KIRREL3: variants seen among roughly 807,000 people sequenced by gnomAD.
The protein encoded by KIRREL3 is kirre like nephrin family adhesion molecule 3.
Under a neutral mutation model 89.7 loss-of-function variants are expected in KIRREL3, and 36 were observed. That is an observed-to-expected ratio of 0.40 (90% CI 0.31 to 0.53). KIRREL3 has a LOEUF of 0.53. KIRREL3 is among the 20% of genes least tolerant of loss of function. The pLI, the probability that KIRREL3 is intolerant of heterozygous loss-of-function variation, is 0.49. For missense variants in KIRREL3, 864 were observed against 1,056.6 expected (o/e 0.82, Z 2.53); for synonymous variants, 445 against 441.4 (o/e 1.01, Z -0.10).
chr11:126,572,961 G>A (rs948768217), intron 1 of KIRREL3, among the ~76,000 whole-genome samples: 2 of 152,190 alleles, frequency 1.3e-5, no homozygotes, highest in East Asian at 1.9e-4. Flanking sequence ...TGCCGAATGA[G>A]TAGGGGTAGG....
intron 1 of KIRREL3, among the ~76,000 whole-genome samples, chr11:126,828,395 C>G (rs538663978): frequency 1.6e-4 from 24 of 152,300 alleles, no homozygotes; most frequent in African/African-American, 5.8e-4. Context: ...TTCCCTACAT[C>G]AAGCCTTAGT....
In KIRREL3 at chr11:126,531,565, G is replaced by T. The variant is rs1176273815; in HGVS notation, c.134-4878C>A. Among the ~76,000 whole-genome samples the T allele has an allele frequency of 1.0e-4, 15 of 145,778 alleles. No homozygotes were observed. The highest frequency in any genetic ancestry group is 2.2e-4 in the South Asian group (1 of 4,578). The stretch of plus-strand genomic sequence containing the variant: ...GATGCACTGCATCCCCCCACCCAAG[G>T]CTCCCCCACCCAAGGCCCCCCCTAA... On this transcript the variant is annotated intron_variant, in intron 2 of 16. Transcript: ENST00000525144. This position sits in a 1 kb window ranked among gnomAD's most constrained non-coding sequence, Gnocchi z 4.7.
At chr11:126,479,003 G>C (rs1003657214) in intron 4 of KIRREL3, among the ~76,000 whole-genome samples, 111 of 152,342 alleles carry the variant, frequency 7.3e-4, no homozygotes, top group African/African-American at 2.5e-3. Flanking sequence ...TTCTCAGCCT[G>C]TTTCTCCGTG....
chr11:126,735,012 A>C (rs1282497879), intron 1 of KIRREL3, among the ~76,000 whole-genome samples: 1 of 152,196 alleles, frequency 6.6e-6, no homozygotes, highest in East Asian at 1.9e-4. Flanking sequence ...AGGGAGGCTC[A>C]TAACGGGGCG....
rs1054212030 is a variant in KIRREL3 at position 126,640,833 on chromosome 11, G to T, written c.56-77921C>A. ...CTCCTACGTCACTGACTTATTGCTG[G>T]CATCTCCTCCCCTTGACCTTCATAT... On this transcript the variant is annotated intron_variant, in intron 1 of 16. Transcript: ENST00000525144. The surrounding 1 kb of genome is among the most constrained non-coding windows in gnomAD (Gnocchi z 4.9). 1.3e-5 allele frequency among the ~76,000 whole-genome samples: 2 copies of T among 152,030 alleles called. No individual in the cohort carries two copies. The highest frequency in any genetic ancestry group is 2.9e-5 in the Non-Finnish European group (2 of 68,016).
chr11:126,893,285 G>A (rs1647463029), intron 1 of KIRREL3, among the ~76,000 whole-genome samples: 1 of 152,196 alleles, frequency 6.6e-6, no homozygotes, highest in Admixed American at 6.5e-5. Flanking sequence ...ATTTTATCCA[G>A]TTCAGTGCCA....
Position 126,550,808 on chromosome 11 carries a change from C to T in KIRREL3, c.133+12027G>A, listed in dbSNP as rs745429093. Among the ~76,000 whole-genome samples the T allele has an allele frequency of 7.2e-5, 11 of 152,208 alleles. No individual in the cohort carries two copies. The highest frequency in any genetic ancestry group is 1.2e-4 in the Non-Finnish European group (8 of 68,038). On this transcript the variant is annotated intron_variant, in intron 2 of 16. Coordinates refer to ENST00000525144, the MANE Select transcript of KIRREL3 (RefSeq NM_032531.4). This position sits in a 1 kb window ranked among gnomAD's most constrained non-coding sequence, Gnocchi z 4.9. ...CACCACAACAGTCCACACAGGAGAC[C>T]TCTGTGGCCAAACAGGTGGGAGCAG... is the stretch of plus-strand genomic sequence containing the variant.
chr11:126,585,125 T>C (rs994836222), intron 1 of KIRREL3, among the ~76,000 whole-genome samples: 3 of 151,360 alleles, frequency 2.0e-5, no homozygotes, highest in Admixed American at 1.3e-4. Context: ...TTCATCTTGT[T>C]AGCCAGGATG....
rs2096263761 is a variant in KIRREL3 at position 126,872,732 on chromosome 11, T to C, written c.55+127723A>G. 6.6e-6 allele frequency among the ~76,000 whole-genome samples: 1 copy of C among 152,276 alleles called. No individual in the cohort carries two copies. Among genetic ancestry groups the C allele is most frequent in the Non-Finnish European group, 1.5e-5 (1 of 68,050 alleles). The stretch of plus-strand genomic sequence containing the variant: ...TCAGTGTGGGTACTTTCCTGCTCTG[T>C]GCTGCCAGAATGGTGCTGAATATGA... On this transcript the variant is annotated intron_variant, in intron 1 of 16. Transcript: ENST00000525144. The surrounding 1 kb of genome is among the most constrained non-coding windows in gnomAD (Gnocchi z 4.2).
intron 12 of KIRREL3, among the ~76,000 whole-genome samples, chr11:126,436,178 C>G (rs1955327892): frequency 6.6e-6 from 1 of 152,190 alleles, no homozygotes; most frequent in Non-Finnish European, 1.5e-5. Flanking sequence ...CTCTCACCCA[C>G]CCGGCTGCTT....
rs1944676559 is a variant in KIRREL3, at chr11:126,860,729, A to T, written c.55+139726T>A. On this transcript the variant is annotated intron_variant, in intron 1 of 16. Coordinates refer to ENST00000525144, the MANE Select transcript of KIRREL3 (RefSeq NM_032531.4). This position sits in a 1 kb window ranked among gnomAD's most constrained non-coding sequence, Gnocchi z 4.6. Reference sequence around the variant, plus strand: ...AACCACAGGGTGGAGAATGGGTGGCAGGCCAGTGAGGAGGCTCCTGCCCTG... The same window carrying T: ...AACCACAGGGTGGAGAATGGGTGGCTGGCCAGTGAGGAGGCTCCTGCCCTG... Among the ~76,000 whole-genome samples the T allele has an allele frequency of 6.6e-6, 1 of 152,216 alleles. No homozygotes were observed. The highest frequency in any genetic ancestry group is 2.4e-5 in the African/African-American group (1 of 41,462).
chr11:126,945,568 C>T (rs758256391), intron 1 of KIRREL3, among the ~76,000 whole-genome samples: 32 of 152,176 alleles, frequency 2.1e-4, no homozygotes, highest in Non-Finnish European at 4.3e-4. Flanking sequence ...TCTCAGGTTT[C>T]CCCTGATGCC....
chr11:127,001,739 G>A (rs541915850), upstream of KIRREL3, among the ~76,000 whole-genome samples: 29 of 151,686 alleles, frequency 1.9e-4, no homozygotes, highest in African/African-American at 6.5e-4. Flanking sequence ...GGCATGCTTG[G>A]TATAAGCAGG....
rs1052344915 is a variant in KIRREL3, at chr11:126,703,374, G to A, written c.56-140462C>T. Among the ~76,000 whole-genome samples, 3 of 152,226 alleles carry A rather than the reference G, an allele frequency of 2.0e-5. No homozygotes were observed. Among genetic ancestry groups the A allele is most frequent in the South Asian group, 2.1e-4 (1 of 4,830 alleles). On this transcript the variant is annotated intron_variant, in intron 1 of 16. Transcript: ENST00000525144. The surrounding 1 kb of genome is among the most constrained non-coding windows in gnomAD (Gnocchi z 4.6). ...CTGGTGAGCAGCAAACAGAATCATC[G>A]TCTTCATCACCATCAGCAGGAGCAG... is the stretch of plus-strand genomic sequence containing the variant.
At chr11:126,510,463 TCC>T (rs1333422116) in intron 4 of KIRREL3, among the ~76,000 whole-genome samples, 13 of 150,278 alleles carry the variant, frequency 8.7e-5, no homozygotes, top group Non-Finnish European at 1.3e-4. Flanking sequence ...CTTCCTTCCT[TCC>T]TTCCTTTTTT....
chr11:126,839,892 C>A (rs1943906387), intron 1 of KIRREL3, among the ~76,000 whole-genome samples: 2 of 152,142 alleles, frequency 1.3e-5, no homozygotes, highest in Admixed American at 1.3e-4. Flanking sequence ...TGCAAGCTGT[C>A]ATGAATATTT....
chr11:126,793,758 C>G (rs761402785), intron 1 of KIRREL3, among the ~76,000 whole-genome samples: 1 of 152,138 alleles, frequency 6.6e-6, no homozygotes, highest in Non-Finnish European at 1.5e-5. Context: ...TGGAGTGGAC[C>G]GGAAGCGTGC....
Position 126,997,951 on chromosome 11 carries a change from G to A in KIRREL3, c.55+2504C>T, listed in dbSNP as rs181330177. On this transcript the variant is annotated intron_variant, in intron 1 of 16. Coordinates refer to ENST00000525144, the MANE Select transcript of KIRREL3 (RefSeq NM_032531.4). The surrounding 1 kb of genome is among the most constrained non-coding windows in gnomAD (Gnocchi z 4.3). ...CACATTTCCTGGGAGAGGCATCCCAGCATGCAGGAGGCAGGGGTCAAGCAG... is the reference window on the plus strand; with the variant it reads ...CACATTTCCTGGGAGAGGCATCCCAACATGCAGGAGGCAGGGGTCAAGCAG... Among the ~76,000 whole-genome samples, 46 of 152,290 alleles carry A rather than the reference G, an allele frequency of 3.0e-4. No homozygotes were observed. Among genetic ancestry groups the A allele is most frequent in the Admixed American group, 2.6e-3 (40 of 15,298 alleles).
intron 1 of KIRREL3, among the ~76,000 whole-genome samples, chr11:126,926,056 G>A (rs1444113577): frequency 2.6e-5 from 4 of 152,156 alleles, no homozygotes; most frequent in South Asian, 2.1e-4. Context: ...TAACCACCAC[G>A]CCCCTCTGCC....
Sources: allele counts gnomAD v4.1 joint callset (sites outside exome capture counted in the v4.1 genomes callset), GRCh38; gene constraint gnomAD v4.1.1; non-coding constraint Gnocchi (gnomAD v3.1); transcripts MANE v1.5; gene names NCBI Gene and HGNC (gene_info 2026-07-23, HGNC 2026-07-21).